MACROD2: variants seen among roughly 807,000 people sequenced by gnomAD.
The protein encoded by MACROD2 is ADP-ribose glycohydrolase MACROD2.
A neutral mutation model predicts 70.4 loss-of-function variants in MACROD2; 36 were observed. The observed-to-expected ratio is 0.51, with a 90% CI of 0.39 to 0.68. MACROD2 has a LOEUF of 0.68. Among genes scored for constraint, MACROD2 ranks in the 30% least tolerant of loss-of-function variants. The pLI, the probability that MACROD2 is intolerant of heterozygous loss-of-function variation, is 0.00. For synonymous variants in MACROD2, 172 were observed against 178.8 expected, an observed-to-expected ratio of 0.96 and a Z score of 0.30; for missense variants, 496 against 538.4, an observed-to-expected ratio of 0.92 and a Z score of 0.78.
chr20:14,013,288 T>G lies in MACROD2; in HGVS notation c.163+10884T>G, dbSNP rs535949687. Reference sequence around the variant, plus strand: ...ACTGTACTTTCTTTTTTTTTTTTTTTTTGAGACGAAGTCTCTCTCTGTCGC... The same window carrying G: ...ACTGTACTTTCTTTTTTTTTTTTTTGTTGAGACGAAGTCTCTCTCTGTCGC... On this transcript the variant is annotated intron_variant, in intron 2 of 17. Coordinates refer to ENST00000684519, the MANE Select transcript of MACROD2 (RefSeq NM_001351661.2). Among the ~76,000 whole-genome samples, 6 of 151,516 alleles carry G rather than the reference T, an allele frequency of 4.0e-5. No homozygotes were observed. The South Asian group carries it at 1.3e-3, about 32-fold the overall frequency.
At chr20:14,413,932 G>A (rs2083776260) in intron 3 of MACROD2, among the ~76,000 whole-genome samples, 1 of 151,764 alleles carries the variant, frequency 6.6e-6, no homozygotes, top group South Asian at 2.1e-4. Context: ...AATGGTACTT[G>A]GTACAAATTG....
At chr20:15,036,781 A>C (rs1241963831) in intron 5 of MACROD2, among the ~76,000 whole-genome samples, 1 of 152,150 alleles carries the variant, frequency 6.6e-6, no homozygotes, top group East Asian at 1.9e-4. Context: ...TTGATCATGT[A>C]GGAAAGCAAA....
chr20:14,899,511 C>T (rs939301501), intron 5 of MACROD2, among the ~76,000 whole-genome samples: 1 of 152,162 alleles, frequency 6.6e-6, no homozygotes, highest in Non-Finnish European at 1.5e-5. Flanking sequence ...ACTCTGATCA[C>T]TGCTTTCATC....
At chr20:14,019,733 CTT>C (rs1391602157) in intron 2 of MACROD2, among the ~76,000 whole-genome samples, 2 of 152,046 alleles carry the variant, frequency 1.3e-5, no homozygotes, top group East Asian at 3.9e-4. Context: ...GTGGAGCCAT[CTT>C]GTTGTGAGAA....
chr20:14,982,036 G>A (rs2074805600), intron 5 of MACROD2, among the ~76,000 whole-genome samples: 1 of 152,128 alleles, frequency 6.6e-6, no homozygotes, highest in African/African-American at 2.4e-5. Flanking sequence ...GAACAATAAG[G>A]TCCAGGCTGT....
chr20:14,935,343 C>T (rs1260159411), intron 5 of MACROD2: 3 of 152,212 alleles, frequency 2.0e-5, no homozygotes, highest in Admixed American at 6.5e-5. Flanking sequence ...GTCCTCAAGT[C>T]TAGTAGTAGC....
At chr20:15,170,472 C>A (rs2076415121) in intron 5 of MACROD2, among the ~76,000 whole-genome samples, 1 of 152,160 alleles carries the variant, frequency 6.6e-6, no homozygotes, top group Non-Finnish European at 1.5e-5. Context: ...GTTGTGCTTG[C>A]ATCTGATGAT....
chr20:14,588,642 G>T (rs892303044), intron 4 of MACROD2, among the ~76,000 whole-genome samples: 1 of 152,002 alleles, frequency 6.6e-6, no homozygotes, highest in Non-Finnish European at 1.5e-5. Flanking sequence ...CGAGTAGCTG[G>T]GATTACAGAT....
At chr20:14,820,357 C>CTTTTTTTTTTTTTTTTTT (rs11475238) in intron 5 of MACROD2, among the ~76,000 whole-genome samples, 8 of 116,134 alleles carry the variant, frequency 6.9e-5, no homozygotes, top group East Asian at 2.5e-4. Flanking sequence ...ATTTTTCTTC[C>CTTTTTTTTTTTTTTTTTT]TTTTTTTTTT....
chr20:15,328,171 T>A (rs1262370582), intron 6 of MACROD2, among the ~76,000 whole-genome samples: 2 of 151,874 alleles, frequency 1.3e-5, no homozygotes, highest in African/African-American at 4.8e-5. Flanking sequence ...GTTAGATAAA[T>A]TTTTGAGAGC....
intron 5 of MACROD2, among the ~76,000 whole-genome samples, chr20:14,977,843 G>T (rs1460121516): frequency 6.6e-6 from 1 of 152,106 alleles, no homozygotes; most frequent in South Asian, 2.1e-4. Flanking sequence ...TCTTCTTATG[G>T]CTTGGTGTAT....
intron 5 of MACROD2, among the ~76,000 whole-genome samples, chr20:14,811,656 G>GGAGAAAA (rs1261673045): frequency 6.6e-6 from 1 of 152,022 alleles, no homozygotes; most frequent in Non-Finnish European, 1.5e-5. Context: ...CTACAGAATA[G>GGAGAAAA]GAGAAAAGTT....
chr20:14,354,995 A>G (rs1240413622), intron 3 of MACROD2, among the ~76,000 whole-genome samples: 2 of 152,200 alleles, frequency 1.3e-5, no homozygotes, highest in Non-Finnish European at 2.9e-5. Context: ...GTAATATTCC[A>G]TGGTGTATAT....
At chr20:15,023,795 T>A (rs538721191) in intron 5 of MACROD2, among the ~76,000 whole-genome samples, 1 of 152,138 alleles carries the variant, frequency 6.6e-6, no homozygotes, top group South Asian at 2.1e-4. Context: ...GGGCTGCAAT[T>A]CAAGATGAGA....
chr20:14,396,856 T>C lies in MACROD2; in HGVS notation c.272-96623T>C, dbSNP rs2083585500. 2.2e-5 allele frequency among the ~76,000 whole-genome samples: 3 copies of C among 134,372 alleles called. No individual in the cohort carries two copies. The South Asian group carries it at 7.3e-4, about 33-fold the overall frequency. The allele number at this position is 134,372 out of a possible 152,430, so 88.2% of individuals were successfully genotyped here. A position where few individuals can be genotyped will look rare whatever the true frequency, so the allele number is the denominator to read the frequency against. ...AGGAGAATGGCGTCAACCCAGGAGG[T>C]GGAGCTTGCAGTGAGCTGAGATCAC... On this transcript the variant is annotated intron_variant, in intron 3 of 17. Transcript: ENST00000684519.
At chr20:15,843,390 G>C (rs750468617) in intron 8 of MACROD2, among the ~76,000 whole-genome samples, 2 of 152,142 alleles carry the variant, frequency 1.3e-5, no homozygotes, top group African/African-American at 2.4e-5. Context: ...GTTTATACCA[G>C]TTCATGTTCG....
At chr20:15,081,795 A>C (rs1280847963) in intron 5 of MACROD2, among the ~76,000 whole-genome samples, 1 of 152,170 alleles carries the variant, frequency 6.6e-6, no homozygotes, top group Non-Finnish European at 1.5e-5. Context: ...CAGGAATTAA[A>C]ATTTTTTGTT....
chr20:14,697,379 A>G (rs1568744250), intron 5 of MACROD2, among the ~76,000 whole-genome samples: 1 of 152,266 alleles, frequency 6.6e-6, no homozygotes, highest in Non-Finnish European at 1.5e-5. Flanking sequence ...TTCCATAGTT[A>G]GAATGATCCA....
chr20:15,034,818 G>A (rs1276394355), intron 5 of MACROD2, among the ~76,000 whole-genome samples: 1 of 152,084 alleles, frequency 6.6e-6, no homozygotes, highest in East Asian at 1.9e-4. Flanking sequence ...AATATATTTA[G>A]TAGTTGAAAA....
Sources: allele counts gnomAD v4.1 joint callset (sites outside exome capture counted in the v4.1 genomes callset), GRCh38; gene constraint gnomAD v4.1.1; transcripts MANE v1.5; gene names NCBI Gene and HGNC (gene_info 2026-07-23, HGNC 2026-07-21).